The following QKI variants were observed in gnomAD, a reference collection of about 807,000 sequenced individuals.
QKI encodes KH domain-containing RNA-binding protein QKI.
In QKI, 10 loss-of-function variants were observed where a neutral mutation model predicts 39.0. The observed-to-expected ratio is 0.26, with a 90% CI of 0.16 to 0.43. The LOEUF (loss-of-function observed/expected upper bound fraction) is 0.43. QKI is among the 20% of genes least tolerant of loss of function. The pLI is 1.00. For missense variants in QKI, 218 were observed against 428.0 expected, an observed-to-expected ratio of 0.51 and a Z score of 4.33; for synonymous variants, 204 against 155.4, an observed-to-expected ratio of 1.31 and a Z score of -2.33.
rs568598432 is a variant in QKI at position 163,534,547 on chromosome 6, A to G, written c.403-435A>G. ...AGCCTGTTAGCTGTGTGACATTGAG[A>G]GGTGACCCCCTTAACCTTGATGACC... On this transcript the variant is annotated intron_variant, in intron 3 of 7. Coordinates refer to ENST00000361752, the MANE Select transcript of QKI (RefSeq NM_006775.3). 5.3e-5 allele frequency among the ~76,000 whole-genome samples: 8 copies of G among 152,340 alleles called. No individual in the cohort carries two copies. In the East Asian group the frequency reaches 1.3e-3, roughly 26 times the overall value.
chr6:163,569,511 T>C (rs1483384362), intron 7 of QKI: 1 of 1,259,724 alleles, frequency 7.9e-7, no homozygotes, highest in Admixed American at 2.6e-5. Context: ...GTTGAATGAG[T>C]CTTAAAAATT....
intron 1 of QKI, among the ~76,000 whole-genome samples, chr6:163,424,052 C>T (rs1166299699): frequency 6.6e-6 from 1 of 152,190 alleles, no homozygotes; most frequent in African/African-American, 2.4e-5. Context: ...GCTACTATAT[C>T]GTATTCCTGA....
At chr6:163,486,435 A>C (rs1777687354) in intron 3 of QKI, among the ~76,000 whole-genome samples, 1 of 152,204 alleles carries the variant, frequency 6.6e-6, no homozygotes, top group Non-Finnish European at 1.5e-5. Context: ...CATATTGTAT[A>C]ATTGCAGACA....
rs773303098 is a variant in QKI, at chr6:163,470,708, TA to T, written c.286-8068del. ...AGAAAAGGAAGAGAAATGGAAGCTA[TA>T]AAAGAAAAACTAAGCCAGAAAATTA... On this transcript the variant is annotated intron_variant, in intron 2 of 7. Coordinates refer to ENST00000361752, the MANE Select transcript of QKI (RefSeq NM_006775.3). 9.4e-4 allele frequency among the ~76,000 whole-genome samples: 143 copies of T among 152,114 alleles called. 1 individual carries two copies. The highest frequency in any genetic ancestry group is 1.7e-3 in the Non-Finnish European group (117 of 67,968).
At chr6:163,564,864 G>T in intron 6 of QKI, 1 of 1,407,858 alleles carries the variant, frequency 7.1e-7, no homozygotes, top group East Asian at 2.5e-5. Context: ...CATGCATGCT[G>T]TTGACTTTTA....
intron 3 of QKI, among the ~76,000 whole-genome samples, chr6:163,494,525 T>G (rs1778277701): frequency 6.6e-6 from 1 of 152,222 alleles, no homozygotes; most frequent in Admixed American, 6.5e-5. Context: ...AATAAAAATC[T>G]GAGTCACCCA....
At chr6:163,546,788 T>G (rs192858273) in intron 4 of QKI, among the ~76,000 whole-genome samples, 59 of 152,184 alleles carry the variant, frequency 3.9e-4, no homozygotes, top group African/African-American at 1.4e-3. Flanking sequence ...TAATAACTAT[T>G]TTGGAAAATT....
At position 163,504,531 on chromosome 6, in the gene QKI, C is replaced by G. The variant is rs1464630008; in HGVS notation, c.402+25635C>G. ...CATTTGTTTGTGTCATCTCTGGTTT[C>G]TTTTAGCAGTGTTTTGTTTTGTAGT... On this transcript the variant is annotated intron_variant, in intron 3 of 7. Transcript: ENST00000361752. Among the ~76,000 whole-genome samples the G allele has an allele frequency of 2.0e-5, 3 of 152,232 alleles. No homozygotes were observed. In the East Asian group the frequency reaches 5.8e-4, roughly 29 times the overall value.
intron 4 of QKI, among the ~76,000 whole-genome samples, chr6:163,539,800 C>A (rs1157084898): frequency 6.6e-6 from 1 of 152,110 alleles, no homozygotes; most frequent in South Asian, 2.1e-4. Context: ...TACTGTCCTG[C>A]CAGTATTGCA....
chr6:163,531,760 C>T (rs182935798), intron 3 of QKI, among the ~76,000 whole-genome samples: 55 of 152,266 alleles, frequency 3.6e-4, no homozygotes, highest in African/African-American at 1.3e-3. Context: ...CTGCCTCGGC[C>T]CCCCCAAAGT....
rs141770800 is a variant in QKI at position 163,445,857 on chromosome 6, G to A, written c.143-9422G>A. ...TCTCGATCTCCTGACCTCCTCATCC[G>A]TCCACCTCGGCCTCCCAAAGTGCTG... is the stretch of plus-strand genomic sequence containing the variant. On this transcript the variant is annotated intron_variant, in intron 1 of 7. Transcript: ENST00000361752. 2.9e-3 allele frequency among the ~76,000 whole-genome samples: 436 copies of A among 152,198 alleles called. 6 individuals carry two copies. The East Asian group carries it at 0.052, about 18-fold the overall frequency.
chr6:163,568,694 A>AG, intron 7 of QKI: 1 of 985,194 alleles, frequency 1.0e-6, no homozygotes, highest in Non-Finnish European at 1.2e-6. Context: ...AATGCAAAAA[A>AG]ACTCAGCCCT....
chr6:163,428,585 G>A (rs185693760), intron 1 of QKI, among the ~76,000 whole-genome samples: 2 of 152,252 alleles, frequency 1.3e-5, no homozygotes, highest in Admixed American at 1.3e-4. Flanking sequence ...ATAGCATTAC[G>A]ACATACTGTT....
intron 1 of QKI, among the ~76,000 whole-genome samples, chr6:163,420,808 A>G (rs1278072791): frequency 6.6e-6 from 1 of 152,194 alleles, no homozygotes; most frequent in Non-Finnish European, 1.5e-5. Flanking sequence ...TTTATGGTGA[A>G]TATAGTTTGT....
At chr6:163,431,807 A>AC (rs373471321) in intron 1 of QKI, among the ~76,000 whole-genome samples, 34,244 of 140,620 alleles carry the variant, frequency 0.24, 4,118 homozygotes, top group Middle Eastern at 0.29. Flanking sequence ...TTGTAAAAAA[A>AC]AAAAAACAAA....
chr6:163,522,223 G>T (rs908805543), intron 3 of QKI, among the ~76,000 whole-genome samples: 1 of 152,104 alleles, frequency 6.6e-6, no homozygotes, highest in East Asian at 1.9e-4. Flanking sequence ...GTGAACTTTG[G>T]TGTCACTCCC....
intron 1 of QKI, chr6:163,416,198 C>A (rs1787478606): frequency 1.5e-5 from 5 of 326,112 alleles, no homozygotes; most frequent in East Asian, 8.3e-5. Flanking sequence ...TTGGAAAGGG[C>A]GAAATAAAAT....
At chr6:163,551,514 AAAAG>A (rs1782232705) in intron 4 of QKI, among the ~76,000 whole-genome samples, 1 of 152,266 alleles carries the variant, frequency 6.6e-6, no homozygotes, top group Admixed American at 6.5e-5. Flanking sequence ...ACAACAAAGA[AAAAG>A]AAGATGGGCA....
At chr6:163,424,918 A>G (rs1194194731) in intron 1 of QKI, among the ~76,000 whole-genome samples, 3 of 152,220 alleles carry the variant, frequency 2.0e-5, no homozygotes, top group African/African-American at 7.2e-5. Context: ...GGTGTTAGCC[A>G]CTGCCCCCGG....
Sources: allele counts gnomAD v4.1 joint callset (sites outside exome capture counted in the v4.1 genomes callset), GRCh38; gene constraint gnomAD v4.1.1; transcripts MANE v1.5; gene names NCBI Gene and HGNC (gene_info 2026-07-23, HGNC 2026-07-21).